KIF13B: variants seen among roughly 807,000 people sequenced by gnomAD.
KIF13B encodes the protein kinesin-like protein KIF13B.
KIF13B carries 127 observed loss-of-function variants against 222.0 expected under a neutral mutation model. The observed-to-expected ratio is 0.57, with a 90% CI of 0.50 to 0.66. The LOEUF (loss-of-function observed/expected upper bound fraction) is 0.66. Ranked by LOEUF, KIF13B falls within the 30% of genes least tolerant of loss-of-function variation. KIF13B has a pLI of 0.00. For missense variants in KIF13B, 2,173 were observed against 2,379.0 expected, an observed-to-expected ratio of 0.91 and a Z score of 1.80; for synonymous variants, 976 against 919.0, an observed-to-expected ratio of 1.06 and a Z score of -1.12.
rs776182905 is a variant in KIF13B, at chr8:29,148,590, G to T, written c.1800C>A (p.Ala600=). The change falls in exon 16 of 40, where the codon GCC becomes GCA. Residue 600 remains alanine, a synonymous_variant. Transcript: ENST00000524189. ...EYAQMEVTMK[A]LGSNDPMQSI... ...CGACTTGCTCACCATTGCTGCCCAG[G>T]GCCTTCATGGTGACCTCCATCTGTG... The T allele has an allele frequency of 4.4e-6, 7 of 1,605,438 alleles. No homozygotes were observed. The highest frequency in any genetic ancestry group is 4.0e-5 in the African/African-American group (3 of 74,636).
chr8:29,113,087 G>C (rs1220237968), intron 32 of KIF13B, among the ~76,000 whole-genome samples: 3 of 152,170 alleles, frequency 2.0e-5, no homozygotes. Flanking sequence ...TGGGCTCAGA[G>C]TAATTTACGC....
At chr8:29,165,537 C>T in intron 12 of KIF13B, 125 bp downstream of exon 12, 2 of 621,008 alleles carry the variant, frequency 3.2e-6, no homozygotes, top group South Asian at 4.2e-5. Context: ...GATCTAGATT[C>T]CTAATGATAG....
chr8:29,155,203 G>T (rs1811463995), intron 14 of KIF13B, among the ~76,000 whole-genome samples: 1 of 152,084 alleles, frequency 6.6e-6, no homozygotes, highest in Admixed American at 6.6e-5. Flanking sequence ...TGGTCTAATG[G>T]GGTAATAAGG....
intron 22 of KIF13B, 59 bp downstream of exon 22, chr8:29,133,981 T>C: frequency 1.6e-5 from 24 of 1,490,624 alleles, no homozygotes; most frequent in Non-Finnish European, 2.0e-5. Flanking sequence ...AGGTTCATTT[T>C]CTGTTTTGTT....
Position 29,122,618 on chromosome 8 carries a change from T to C in KIF13B, c.3508A>G (p.Ile1170Val), listed in dbSNP as rs1433707066. 6.2e-7 allele frequency: 1 copy of C among 1,610,360 alleles called. No homozygotes were observed. The highest frequency in any genetic ancestry group is 1.3e-5 in the African/African-American group (1 of 74,932). Residue 1170 changes from isoleucine (I) to valine (V), a missense_variant, in exon 29 of 40, where the codon ATT (isoleucine) becomes GTT (valine). Coordinates refer to ENST00000524189, the MANE Select transcript of KIF13B (RefSeq NM_015254.4). ...TTTAAGTCCAGGAATATAACAGGAA[T>C]GTGTGTCTCCATCCCAGGTACTGGG... ...WTPVPGMETH[I>V]PVIFLDLNAD... is the part of the protein sequence containing the mutation.
At chr8:29,173,429 T>C (rs1393209327) in intron 10 of KIF13B, among the ~76,000 whole-genome samples, 1 of 148,642 alleles carries the variant, frequency 6.7e-6, no homozygotes, top group Non-Finnish European at 1.5e-5. Context: ...AAGACCAGCC[T>C]GGGCAACATA....
At position 29,165,519 on chromosome 8, in the gene KIF13B, T is replaced by C. The variant is rs1811953957; in HGVS notation, c.1269+143A>G. The C allele has an allele frequency of 5.2e-6, 3 of 573,202 alleles. No individual in the cohort carries two copies. In the African/African-American group the frequency reaches 5.6e-5, roughly 11 times the overall value. The allele number at this position is 573,202 out of a possible 1,614,324, so 35.5% of individuals were successfully genotyped here. A position where few individuals can be genotyped will look rare whatever the true frequency, so the allele number is the denominator to read the frequency against. On this transcript the variant is annotated intron_variant, in intron 12 of 39. Transcript: ENST00000524189. ...TCAAATTAATTTTGCAAAGTATAGA[T>C]TCTTTCAGATCTAGATTCCTAATGA...
intron 4 of KIF13B, 85 bp downstream of exon 4, chr8:29,190,912 G>A (rs1405671752): frequency 9.8e-7 from 1 of 1,019,536 alleles, no homozygotes; most frequent in Non-Finnish European, 1.6e-6. Context: ...AGTTTGGGGG[G>A]TTTGCCAAGC....
intron 3 of KIF13B, among the ~76,000 whole-genome samples, chr8:29,195,490 T>C (rs1455567427): frequency 6.6e-6 from 1 of 152,186 alleles, no homozygotes; most frequent in Non-Finnish European, 1.5e-5. Context: ...ATACACATTT[T>C]AGCAATAATA....
At position 29,177,469 on chromosome 8, in the gene KIF13B, T is replaced by C; in HGVS notation, c.830A>G (p.Asn277Ser). 1.3e-6 allele frequency: 2 copies of C among 1,593,996 alleles called. No homozygotes were observed. The highest frequency in any genetic ancestry group is 8.6e-7 in the Non-Finnish European group (1 of 1,161,572). ...AATAAGCTTTGAGAGCACTTACTTG[T>C]TAATGTTGCTCCCTTCCTTCAGCCT... ...GDRLKEGSNI[N>S]KSLTTLGLVI... The change falls in exon 9 of 40, where the codon AAC becomes AGC. Residue 277 changes from asparagine (N) to serine (S), a missense_variant. This residue lies in a region of KIF13B where 1,480 missense variants were observed against 1,722.8 expected (regional missense o/e 0.86). Coordinates refer to ENST00000524189, the MANE Select transcript of KIF13B (RefSeq NM_015254.4).
At chr8:29,213,418 T>C (rs1392936954) in intron 2 of KIF13B, among the ~76,000 whole-genome samples, 1 of 152,210 alleles carries the variant, frequency 6.6e-6, no homozygotes, top group African/African-American at 2.4e-5. Flanking sequence ...ATTAAATAAC[T>C]TGCCCAAGGT....
intron 2 of KIF13B, chr8:29,219,143 G>A (rs745632838): frequency 2.6e-5 from 4 of 151,028 alleles, no homozygotes; most frequent in Middle Eastern, 3.2e-3. Context: ...ACGCACCAGA[G>A]AAGGAGCCTC....
chr8:29,221,787 A>G, intron 2 of KIF13B, among the ~76,000 whole-genome samples: 1 of 152,212 alleles, frequency 6.6e-6, no homozygotes, highest in Non-Finnish European at 1.5e-5. Context: ...AATGCCCAAA[A>G]TATTGTTTTT....
At chr8:29,238,922 C>T (rs951947165) in intron 2 of KIF13B, among the ~76,000 whole-genome samples, 3 of 152,228 alleles carry the variant, frequency 2.0e-5, no homozygotes, top group African/African-American at 7.2e-5. Flanking sequence ...CCTGTAGTCC[C>T]AGCTACTCAG....
chr8:29,201,554 G>C (rs941059867), intron 2 of KIF13B, among the ~76,000 whole-genome samples: 1 of 152,170 alleles, frequency 6.6e-6, no homozygotes, highest in African/African-American at 2.4e-5. Context: ...AATAATATCA[G>C]TAGAAAGGAA....
Position 29,146,642 on chromosome 8 carries a change from T to C in KIF13B, c.2025-102A>G, listed in dbSNP as rs967442040. 44 of 1,088,446 alleles carry C rather than the reference T, an allele frequency of 4.0e-5. 1 individual carries two copies. In the Admixed American group the frequency reaches 8.1e-4, roughly 20 times the overall value. The allele number at this position is 1,088,446 out of a possible 1,614,324, so 67.4% of individuals were successfully genotyped here. On this transcript the variant is annotated intron_variant, in intron 17 of 39. Coordinates refer to ENST00000524189, the MANE Select transcript of KIF13B (RefSeq NM_015254.4). Reference sequence around the variant, plus strand: ...TAGTACATCATTGCCAAAGTGTGAATTGAGCTTTTTCCGTGGTCGTCTGCA... The same window carrying C: ...TAGTACATCATTGCCAAAGTGTGAACTGAGCTTTTTCCGTGGTCGTCTGCA...
intron 21 of KIF13B, among the ~76,000 whole-genome samples, chr8:29,135,839 G>C (rs1269712043): frequency 6.6e-6 from 1 of 152,138 alleles, no homozygotes; most frequent in Non-Finnish European, 1.5e-5. Context: ...GAGGTTGCAG[G>C]AGCAGAGATC....
At chr8:29,212,613 C>T (rs960803634) in intron 2 of KIF13B, among the ~76,000 whole-genome samples, 1 of 152,066 alleles carries the variant, frequency 6.6e-6, no homozygotes, top group African/African-American at 2.4e-5. Flanking sequence ...TGTTCCATAT[C>T]TATTCAGTCC....
chr8:29,135,349 T>C (rs1181820651), intron 21 of KIF13B, among the ~76,000 whole-genome samples: 1 of 152,152 alleles, frequency 6.6e-6, no homozygotes, highest in African/African-American at 2.4e-5. Context: ...CTGGCGTGGT[T>C]TGATTTTTAA....
Sources: gnomAD v4.1 joint callset for allele counts (sites outside exome capture counted in the v4.1 genomes callset) on GRCh38, gnomAD v4.1.1 for gene constraint, gnomAD v4.1.1 regional missense constraint, MANE v1.5 for transcripts, NCBI Gene and HGNC (gene_info 2026-07-23, HGNC 2026-07-21) for gene names.